The following ITGAL variants were observed in gnomAD, a reference collection of about 807,000 sequenced individuals.
ITGAL encodes the protein integrin alpha-L.
ITGAL carries 68 observed loss-of-function variants against 138.4 expected under a neutral mutation model. That is an observed-to-expected ratio of 0.49 (90% CI 0.40 to 0.60). The LOEUF (loss-of-function observed/expected upper bound fraction) is 0.60, where lower values mean the gene tolerates loss of function less well. ITGAL is among the 20% of genes least tolerant of loss of function. The pLI is 0.00. For missense variants in ITGAL, 1,256 were observed against 1,478.6 expected, an observed-to-expected ratio of 0.85 and a Z score of 2.47; for synonymous variants, 561 against 584.3, an observed-to-expected ratio of 0.96 and a Z score of 0.57.
chr16:30,510,174 C>G (rs2051068493), intron 21 of ITGAL, among the ~76,000 whole-genome samples, 187 bp from the exon 22 acceptor site: 1 of 152,104 alleles, frequency 6.6e-6, no homozygotes, highest in African/African-American at 2.4e-5. Flanking sequence ...GCTACCTTAC[C>G]CAGCCTTCCA....
At chr16:30,502,289 T>C (rs1322431981) in intron 17 of ITGAL, among the ~76,000 whole-genome samples, 45 of 145,872 alleles carry the variant, frequency 3.1e-4, no homozygotes, top group Non-Finnish European at 5.8e-4. Flanking sequence ...CCCAGCTACT[T>C]GGGAGGCTGA....
In ITGAL at chr16:30,510,366, T is replaced by C. The variant is rs2051071851; in HGVS notation, c.2514T>C (p.His838=). Residue 838 remains histidine, a synonymous_variant, in exon 22 of 31, where the codon CAT becomes CAC. Coordinates refer to ENST00000356798, the MANE Select transcript of ITGAL (RefSeq NM_002209.3). The part of the protein sequence containing the change: ...SFRKVEMLKP[H]SQIPVSCEEL... Reference sequence around the variant, plus strand: ...TTTCCTCCTTTCACTCCCAGCCCCATAGCCAGATACCTGTGAGCTGCGAGG... The same window carrying C: ...TTTCCTCCTTTCACTCCCAGCCCCACAGCCAGATACCTGTGAGCTGCGAGG... 2 of 1,602,532 alleles carry C rather than the reference T, an allele frequency of 1.2e-6. No individual in the cohort carries two copies. Among genetic ancestry groups the C allele is most frequent in the South Asian group, 1.1e-5 (1 of 90,872 alleles).
At chr16:30,515,005 A>G (rs1446221003) in intron 25 of ITGAL, among the ~76,000 whole-genome samples, 1 of 149,358 alleles carries the variant, frequency 6.7e-6, no homozygotes, top group African/African-American at 2.5e-5. Flanking sequence ...TTGTATTTTT[A>G]GTAGAGAGAG....
In ITGAL at chr16:30,499,084, G is replaced by T. The variant is rs142666403; in HGVS notation, c.1843G>T (p.Val615Leu). ...CCTTCTGCCCTGCAGCTCCCGGCCC[G>T]TGGTGGATATGGTCACCCTGATGTC... The part of the protein sequence containing the change: ...SQMIVLSSRP[V>L]VDMVTLMSFS... Residue 615 changes from valine (V) to leucine (L), a missense_variant, in exon 16 of 31, where the codon GTG becomes TTG. By Grantham distance (32) the Val-to-Leu change is conservative. This residue lies in a region of ITGAL where 867 missense variants were observed against 972.5 expected (regional missense o/e 0.89). Transcript: ENST00000356798. 1.2e-6 allele frequency: 2 copies of T among 1,614,066 alleles called. No individual in the cohort carries two copies. The highest frequency in any genetic ancestry group is 1.7e-6 in the Non-Finnish European group (2 of 1,179,980).
At chr16:30,520,025 C>A in intron 30 of ITGAL, 58 bp downstream of exon 30, 1 of 1,277,284 alleles carries the variant, frequency 7.8e-7, no homozygotes, top group Non-Finnish European at 1.1e-6. Flanking sequence ...GGAAGGGGAT[C>A]TGGTGGGAGC....
In ITGAL at chr16:30,494,135, G is replaced by T. The variant is rs2050764245; in HGVS notation, c.1214-77G>T. 5 of 1,376,268 alleles carry T rather than the reference G, an allele frequency of 3.6e-6. No homozygotes were observed. Among genetic ancestry groups the T allele is most frequent in the Non-Finnish European group, 4.9e-6 (5 of 1,012,514 alleles). The allele number at this position is 1,376,268 out of a possible 1,614,324, so 85.3% of individuals were successfully genotyped here. Reference sequence around the variant, plus strand: ...CTCTGCTACTAACCCAATTCCCTGGGGCCCCTGCCCCTCTCCTGCTGGGTG... The same window carrying T: ...CTCTGCTACTAACCCAATTCCCTGGTGCCCCTGCCCCTCTCCTGCTGGGTG... On this transcript the variant is annotated intron_variant, in intron 11 of 30. Coordinates refer to ENST00000356798, the MANE Select transcript of ITGAL (RefSeq NM_002209.3). The surrounding 1 kb of genome is among the most constrained non-coding windows in gnomAD (Gnocchi z 4.2).
chr16:30,502,171 G>A (rs541405659), intron 17 of ITGAL, among the ~76,000 whole-genome samples: 3 of 152,240 alleles, frequency 2.0e-5, no homozygotes, highest in Admixed American at 2.0e-4. Context: ...GCCAAGGTGG[G>A]CGGATCACGA....
rs2051264434 is a variant in ITGAL, at chr16:30,522,240, C to T, written c.*575C>T. 1 of 152,616 alleles carries T rather than the reference C, an allele frequency of 6.6e-6. No homozygotes were observed. Among genetic ancestry groups the T allele is most frequent in the East Asian group, 1.9e-4 (1 of 5,200 alleles). 9.5% of individuals were successfully genotyped at this position (152,616 alleles called of 1,614,324 possible). On this transcript the variant is annotated 3_prime_UTR_variant, in exon 31 of 31. Transcript: ENST00000356798. This position sits in a 1 kb window ranked among gnomAD's most constrained non-coding sequence, Gnocchi z 4.0. The stretch of plus-strand genomic sequence containing the variant: ...CCAGCCTCTTCTAGAGCCGTGATGC[C>T]TCCCTGTTGAAGCTCTGGTGACACC...
At chr16:30,477,073 G>T (rs1236726133) in intron 4 of ITGAL, 2 of 152,186 alleles carry the variant, frequency 1.3e-5, no homozygotes, top group African/African-American at 4.8e-5. Flanking sequence ...GTCAGGATTT[G>T]AATAAAATTC....
intron 24 of ITGAL, among the ~76,000 whole-genome samples, chr16:30,512,318 G>A (rs138963117): frequency 1.3e-5 from 2 of 152,222 alleles, no homozygotes; most frequent in Non-Finnish European, 2.9e-5. Flanking sequence ...CAGGTGTGGT[G>A]GCTCACACCT....
In ITGAL at chr16:30,496,496, G is replaced by T. The variant is rs376988959; in HGVS notation, c.1762G>T (p.Val588Leu). 98 of 1,613,662 alleles carry T rather than the reference G, an allele frequency of 6.1e-5. 1 individual carries two copies. The highest frequency in any genetic ancestry group is 7.6e-5 in the Non-Finnish European group (90 of 1,179,900). Residue 588 changes from valine (V) to leucine (L), a missense_variant, in exon 15 of 31, where the codon GTG becomes TTG. Val to Leu is a conservative substitution (Grantham distance 32). Coordinates refer to ENST00000356798, the MANE Select transcript of ITGAL (RefSeq NM_002209.3). ...GTGGTTTGGACGCTCCATCCATGGG[G>T]TGAAGGACCTTGAAGGGGATGGCTT... ...IQWFGRSIHG[V>L]KDLEGDGLAD...
At chr16:30,519,813 G>A (rs1206334784) in intron 29 of ITGAL, 44 bp from the exon 30 acceptor site, 10 of 1,271,770 alleles carry the variant, frequency 7.9e-6, no homozygotes, top group Non-Finnish European at 1.2e-5. Context: ...GACTTTCAGG[G>A]GTGGAAAAGG....
chr16:30,478,946 C>T (rs949836976), intron 4 of ITGAL, 145 bp from the exon 5 acceptor site: 14 of 669,396 alleles, frequency 2.1e-5, no homozygotes, highest in South Asian at 5.3e-5. Flanking sequence ...ACTGTGGAGG[C>T]GGACATTCCT....
chr16:30,501,664 G>A (rs897390512), intron 17 of ITGAL, among the ~76,000 whole-genome samples: 2 of 102,184 alleles, frequency 2.0e-5, no homozygotes, highest in African/African-American at 7.9e-5. Context: ...TACATATCAT[G>A]CATCCCAGAA....
chr16:30,481,600 C>T lies in ITGAL; in HGVS notation c.722+16C>T. On this transcript the variant is annotated intron_variant, in intron 7 of 30. Transcript: ENST00000356798. ...ATTATGTCGCGTGAGTTCCCTTTTG[C>T]AGGAGAGCACGTGTCCTGTGATTTG... 6.2e-7 allele frequency: 1 copy of T among 1,612,512 alleles called. No individual in the cohort carries two copies. The highest frequency in any genetic ancestry group is 8.5e-7 in the Non-Finnish European group (1 of 1,179,102).
chr16:30,519,218 A>G (rs927221438), intron 29 of ITGAL, among the ~76,000 whole-genome samples: 4 of 152,012 alleles, frequency 2.6e-5, no homozygotes, highest in East Asian at 1.9e-4. Flanking sequence ...GTGAGACTTC[A>G]TCTCAAAAGG....
chr16:30,513,722 C>T (rs368788729), intron 24 of ITGAL, 49 bp from the exon 25 acceptor site: 157 of 1,452,094 alleles, frequency 1.1e-4, no homozygotes, highest in Middle Eastern at 5.2e-4. Context: ...TCCTGGAGCC[C>T]GGGTTGCTGT....
chr16:30,507,855 C>T (rs1467795998), intron 21 of ITGAL, among the ~76,000 whole-genome samples: 1 of 151,982 alleles, frequency 6.6e-6, no homozygotes, highest in African/African-American at 2.4e-5. Context: ...ACCTATTTAT[C>T]TGTCAATGAA....
chr16:30,510,932 TCGGTTGAATTG>T lies in ITGAL; in HGVS notation c.2673_2683del (p.Val892ArgfsTer6). ...ACTGGTAAACAGCTCCTGGGGGGAC[TCGGTTGAATTG>T]CACGCCAATGTGACCTGGTGAGCAG... On this transcript the variant is annotated frameshift_variant, in exon 23 of 31. Transcript: ENST00000356798. LOFTEE classifies it high-confidence loss of function. The T allele has an allele frequency of 4.3e-6, 7 of 1,613,972 alleles. No individual in the cohort carries two copies. The highest frequency in any genetic ancestry group is 5.9e-6 in the Non-Finnish European group (7 of 1,179,986).
Sources: gnomAD v4.1 joint callset for allele counts (sites outside exome capture counted in the v4.1 genomes callset) on GRCh38, gnomAD v4.1.1 for gene constraint, gnomAD v4.1.1 regional missense constraint, Gnocchi (gnomAD v3.1) non-coding constraint, MANE v1.5 for transcripts, NCBI Gene and HGNC (gene_info 2026-07-23, HGNC 2026-07-21) for gene names.